LINGO1: variants seen among roughly 807,000 people sequenced by gnomAD.
LINGO1 encodes leucine rich repeat and Ig domain containing 1.
Under a neutral mutation model 37.3 loss-of-function variants are expected in LINGO1, and 11 were observed. The observed-to-expected ratio is 0.29, with a 90% CI of 0.19 to 0.49. The LOEUF (loss-of-function observed/expected upper bound fraction) is 0.49. Ranked by LOEUF, LINGO1 falls within the 20% of genes least tolerant of loss-of-function variation. The probability of loss-of-function intolerance (pLI) is 0.99; values close to 1 mark genes in which losing one functional copy is unlikely to be tolerated. For missense variants in LINGO1, 585 were observed against 878.2 expected, an observed-to-expected ratio of 0.67 and a Z score of 4.22; for synonymous variants, 387 against 403.0, an observed-to-expected ratio of 0.96 and a Z score of 0.48.
intron 1 of LINGO1, among the ~76,000 whole-genome samples, chr15:77,768,967 G>C (rs1213212993): frequency 6.6e-6 from 1 of 152,190 alleles, no homozygotes; most frequent in Non-Finnish European, 1.5e-5. Flanking sequence ...CTTCTGCCCT[G>C]TCCCCTCCAT....
intron 2 of LINGO1, among the ~76,000 whole-genome samples, chr15:77,702,381 C>A (rs969390059): frequency 6.6e-6 from 1 of 152,156 alleles, no homozygotes; most frequent in Non-Finnish European, 1.5e-5. Flanking sequence ...TGTTACAGCA[C>A]CTGCCATTCC....
intron 1 of LINGO1, among the ~76,000 whole-genome samples, chr15:77,624,873 C>A (rs1422447552): frequency 6.6e-6 from 1 of 152,180 alleles, no homozygotes; most frequent in Admixed American, 6.5e-5. Flanking sequence ...CAAGGACAAC[C>A]CCAGTCCTGC....
At chr15:77,805,929 CT>C (rs1369251462) in intron 1 of LINGO1, among the ~76,000 whole-genome samples, 1 of 152,200 alleles carries the variant, frequency 6.6e-6, no homozygotes, top group Non-Finnish European at 1.5e-5. Flanking sequence ...CATGTACCCC[CT>C]CTCCTCAGGC....
At position 77,614,063 on chromosome 15, in the gene LINGO1, A is replaced by C; in HGVS notation, c.1844T>G (p.Phe615Cys). 6.3e-7 allele frequency: 1 copy of C among 1,596,502 alleles called. No individual in the cohort carries two copies. The highest frequency in any genetic ancestry group is 1.1e-5 in the South Asian group (1 of 89,218). Residue 615 changes from phenylalanine (F) to cysteine (C), a missense_variant, in exon 2 of 2, where the codon TTC (phenylalanine) becomes TGC (cysteine). By Grantham distance (205) the Phe-to-Cys change is radical. This residue lies in a region of LINGO1 where 34 missense variants were observed against 62.0 expected (regional missense o/e 0.55). Transcript: ENST00000355300. ...CCGGCCTCATATCATCTTCATGTTG[A>C]ACTTGCGGGGCGCGTCGGCGGAGCT... is the stretch of plus-strand genomic sequence containing the variant. ...GISSADAPRKFNMKMI is the reference protein window; with the variant it reads ...GISSADAPRKCNMKMI
chr15:77,722,391 G>C (rs2076059822), intron 2 of LINGO1, among the ~76,000 whole-genome samples: 1 of 152,246 alleles, frequency 6.6e-6, no homozygotes, highest in African/African-American at 2.4e-5. Flanking sequence ...GATGGCAGGA[G>C]GCAAGCTGGG....
intron 3 of LINGO1, among the ~76,000 whole-genome samples, chr15:77,643,957 C>T (rs1410247679): frequency 6.6e-6 from 1 of 152,220 alleles, no homozygotes; most frequent in African/African-American, 2.4e-5. Flanking sequence ...CCGCTCCGCC[C>T]TCATTCCTGA....
chr15:77,713,758 T>C (rs1233722985), intron 2 of LINGO1, among the ~76,000 whole-genome samples: 4 of 152,144 alleles, frequency 2.6e-5, no homozygotes, highest in Non-Finnish European at 5.9e-5. Context: ...ATACGCGTCA[T>C]CATGCCCGCA....
At chr15:77,794,753 A>C (rs2076859252) in intron 2 of LINGO1, among the ~76,000 whole-genome samples, 2 of 151,350 alleles carry the variant, frequency 1.3e-5, no homozygotes, top group Admixed American at 1.3e-4. Flanking sequence ...ACGCCCTGCT[A>C]ATTTTTTGTA....
upstream of LINGO1, among the ~76,000 whole-genome samples, chr15:77,699,734 TAACCATCAC>T (rs2075754750): frequency 0.012 from 2 of 162 alleles, no homozygotes; most frequent in African/African-American, 0.021. Flanking sequence ...AAGCACATAC[TAACCATCAC>T]CTGCACACAG....
In LINGO1 at chr15:77,614,751, G is replaced by T; in HGVS notation, c.1156C>A (p.Arg386=). The T allele has an allele frequency of 6.2e-7, 1 of 1,606,014 alleles. No homozygotes were observed. Among genetic ancestry groups the T allele is most frequent in the Non-Finnish European group, 8.5e-7 (1 of 1,176,396 alleles). ...RLLWVFRRRW[R]LNFNRQQPTC... ...GGCTGCTGCCGGTTGAAGTTGAGCC[G>T]CCAGCGGCGCCGGAACACCCACAGG... Residue 386 remains arginine, a synonymous_variant, in exon 2 of 2, where the codon CGG becomes AGG. Coordinates refer to ENST00000355300, the MANE Select transcript of LINGO1 (RefSeq NM_032808.7).
chr15:77,770,527 C>T (rs1204490641), intron 1 of LINGO1, among the ~76,000 whole-genome samples: 1 of 139,336 alleles, frequency 7.2e-6, no homozygotes, highest in Non-Finnish European at 1.5e-5. Flanking sequence ...GTGGAGGTTG[C>T]AGTGAGCAGA....
intron 1 of LINGO1, among the ~76,000 whole-genome samples, chr15:77,810,198 G>T (rs139190654): frequency 6.6e-6 from 1 of 151,558 alleles, no homozygotes; most frequent in Non-Finnish European, 1.5e-5. Context: ...TTCTCCTCTC[G>T]GGTAAGTAAC....
chr15:77,697,643 C>A (rs1446537091), upstream of LINGO1, among the ~76,000 whole-genome samples: 1 of 152,172 alleles, frequency 6.6e-6, no homozygotes, highest in Non-Finnish European at 1.5e-5. Context: ...AGGGTACAAA[C>A]ACCCTGAGCA....
chr15:77,740,613 A>C (rs1245389258), intron 1 of LINGO1, among the ~76,000 whole-genome samples: 1 of 152,142 alleles, frequency 6.6e-6, no homozygotes, highest in Non-Finnish European at 1.5e-5. Flanking sequence ...GGAAGACAGC[A>C]ACTGGAAGCA....
chr15:77,802,509 C>G (rs2076928290), intron 1 of LINGO1, among the ~76,000 whole-genome samples: 1 of 152,054 alleles, frequency 6.6e-6, no homozygotes, highest in Admixed American at 6.5e-5. Context: ...CTGCAGAGAT[C>G]AGGCCATTCT....
chr15:77,742,117 A>C (rs2076270485), intron 1 of LINGO1, among the ~76,000 whole-genome samples: 1 of 152,192 alleles, frequency 6.6e-6, no homozygotes, highest in South Asian at 2.1e-4. Flanking sequence ...GGCCAGGCAG[A>C]GGGGCCGCTC....
chr15:77,802,109 T>G (rs1163127280), intron 1 of LINGO1, among the ~76,000 whole-genome samples: 1 of 151,974 alleles, frequency 6.6e-6, no homozygotes, highest in Non-Finnish European at 1.5e-5. Flanking sequence ...TCTCCCTATA[T>G]GTACAGAGAG....
intron 1 of LINGO1, among the ~76,000 whole-genome samples, chr15:77,768,640 G>T (rs2076553839): frequency 6.6e-6 from 1 of 152,070 alleles, no homozygotes; most frequent in Admixed American, 6.5e-5. Context: ...AGGAATATAT[G>T]GGGGAGAGAG....
intron 1 of LINGO1, among the ~76,000 whole-genome samples, chr15:77,625,128 C>T (rs540245859): frequency 2.6e-5 from 4 of 152,288 alleles, no homozygotes; most frequent in South Asian, 2.1e-4. Context: ...AGCCAACCCC[C>T]GCCTGGGAGA....
Sources: gnomAD v4.1 joint callset for allele counts (sites outside exome capture counted in the v4.1 genomes callset) on GRCh38, gnomAD v4.1.1 for gene constraint, gnomAD v4.1.1 regional missense constraint, MANE v1.5 for transcripts, NCBI Gene and HGNC (gene_info 2026-07-23, HGNC 2026-07-21) for gene names.